The following CSMD2 variants were observed in gnomAD, a reference collection of about 807,000 sequenced individuals.
CSMD2 encodes CUB and Sushi multiple domains 2.
In CSMD2, 130 loss-of-function variants were observed where a neutral mutation model predicts 398.5. The ratio of observed to expected loss-of-function variants is 0.33; its 90% CI spans 0.28 to 0.38. The LOEUF (loss-of-function observed/expected upper bound fraction) is 0.38, where lower values mean the gene tolerates loss of function less well. Among genes scored for constraint, CSMD2 ranks in the 10% least tolerant of loss-of-function variants. CSMD2 has a pLI of 1.00. For missense variants in CSMD2, 3,829 were observed against 4,764.9 expected (o/e 0.80, Z 5.78); for synonymous variants, 1,828 against 1,908.5 (o/e 0.96, Z 1.10).
intron 3 of CSMD2, among the ~76,000 whole-genome samples, chr1:33,999,496 A>G (rs960351839): frequency 1.3e-5 from 2 of 152,118 alleles, no homozygotes; most frequent in Admixed American, 6.5e-5. Context: ...CCTGGGCTCA[A>G]GGGATCCTCT....
intron 28 of CSMD2, among the ~76,000 whole-genome samples, chr1:33,651,528 G>A (rs538241587): frequency 1.3e-5 from 2 of 152,284 alleles, no homozygotes; most frequent in Admixed American, 6.5e-5. Flanking sequence ...AGGAATGACC[G>A]AACTTGTCCA....
At chr1:33,832,395 C>T (rs1256327341) in intron 6 of CSMD2, among the ~76,000 whole-genome samples, 1 of 50,800 alleles carries the variant, frequency 2.0e-5, no homozygotes, top group Non-Finnish European at 3.0e-5. Flanking sequence ...AACTGAACAA[C>T]CTGCACTGGG....
chr1:33,877,508 C>G (rs1170971384), intron 5 of CSMD2, among the ~76,000 whole-genome samples: 1 of 152,114 alleles, frequency 6.6e-6, no homozygotes, highest in East Asian at 1.9e-4. Flanking sequence ...TCTCTAAATC[C>G]CGAGGCATTA....
At chr1:33,953,093 T>C (rs1046398369) in intron 3 of CSMD2, among the ~76,000 whole-genome samples, 1 of 152,194 alleles carries the variant, frequency 6.6e-6, no homozygotes, top group Non-Finnish European at 1.5e-5. Context: ...TCCCTGCAGT[T>C]AGGTGGACCA....
chr1:33,886,232 C>G (rs562590965), intron 5 of CSMD2, among the ~76,000 whole-genome samples: 1 of 152,250 alleles, frequency 6.6e-6, no homozygotes, highest in African/African-American at 2.4e-5. Context: ...AGCAAGGAAA[C>G]AGCACAGCCA....
At chr1:33,591,176 C>T (rs945481726) in intron 44 of CSMD2, among the ~76,000 whole-genome samples, 2 of 151,756 alleles carry the variant, frequency 1.3e-5, no homozygotes, top group African/African-American at 2.4e-5. Context: ...TTAATAGAGA[C>T]GGGGTTTCTC....
chr1:33,566,525 G>C (rs1659074301), intron 53 of CSMD2, among the ~76,000 whole-genome samples: 1 of 152,134 alleles, frequency 6.6e-6, no homozygotes, highest in South Asian at 2.1e-4. Flanking sequence ...AGATGGTTAA[G>C]TTAGCTTATA....
chr1:33,540,489 A>G, intron 60 of CSMD2, 36 bp downstream of exon 60: 2 of 1,610,802 alleles, frequency 1.2e-6, no homozygotes, highest in Non-Finnish European at 1.7e-6. Context: ...GGAGCTATTG[A>G]AGAGGATGCA....
intron 44 of CSMD2, among the ~76,000 whole-genome samples, chr1:33,594,153 C>T (rs1163856221): frequency 6.6e-6 from 1 of 152,160 alleles, no homozygotes; most frequent in African/African-American, 2.4e-5. Flanking sequence ...AGTATCAACA[C>T]TCCATTTTTA....
At chr1:34,037,327 C>A (rs1173930137) in intron 2 of CSMD2, among the ~76,000 whole-genome samples, 1 of 152,166 alleles carries the variant, frequency 6.6e-6, no homozygotes, top group African/African-American at 2.4e-5. Context: ...GCACTGACTG[C>A]AGCCTTGCTG....
chr1:33,912,411 A>C (rs1643498851), intron 5 of CSMD2, among the ~76,000 whole-genome samples: 1 of 146,856 alleles, frequency 6.8e-6, no homozygotes, highest in Admixed American at 6.8e-5. Flanking sequence ...CGCATCATAC[A>C]CCCCCCCACA....
chr1:33,966,129 A>G (rs1645548251), intron 3 of CSMD2, among the ~76,000 whole-genome samples: 1 of 152,128 alleles, frequency 6.6e-6, no homozygotes, highest in African/African-American at 2.4e-5. Flanking sequence ...AGGACAGGAA[A>G]CCTACATGGC....
chr1:34,075,563 G>C (rs1656232085), intron 2 of CSMD2, among the ~76,000 whole-genome samples: 1 of 152,194 alleles, frequency 6.6e-6, no homozygotes, highest in Non-Finnish European at 1.5e-5. Flanking sequence ...ATAATTGAGG[G>C]AACGAGTTGT....
chr1:33,579,640 C>T (rs997743938), intron 48 of CSMD2, among the ~76,000 whole-genome samples: 1 of 151,772 alleles, frequency 6.6e-6, no homozygotes, highest in Non-Finnish European at 1.5e-5. Flanking sequence ...ACTTCAGGCA[C>T]TGAATTTGAC....
chr1:33,675,408 G>C (rs1644673566), intron 25 of CSMD2, among the ~76,000 whole-genome samples: 1 of 152,136 alleles, frequency 6.6e-6, no homozygotes, highest in African/African-American at 2.4e-5. Flanking sequence ...GACTAAACCA[G>C]GAAGAAGTTG....
intron 1 of CSMD2, among the ~76,000 whole-genome samples, chr1:34,118,500 A>G (rs969766053): frequency 6.6e-6 from 1 of 152,194 alleles, no homozygotes; most frequent in African/African-American, 2.4e-5. Flanking sequence ...GGAAAACCCT[A>G]AGGATTCCAC....
chr1:33,533,763 T>A lies in CSMD2; in HGVS notation c.9991+33A>T. Reference sequence around the variant, plus strand: ...AGATGCCCAGCTGGGGCAAGAGGAATTTTCTTGGGATGTGGGTGAAGTCTG... The same window carrying A: ...AGATGCCCAGCTGGGGCAAGAGGAAATTTCTTGGGATGTGGGTGAAGTCTG... On this transcript the variant is annotated intron_variant, in intron 63 of 70. Transcript: ENST00000373381. The surrounding 1 kb of genome is among the most constrained non-coding windows in gnomAD (Gnocchi z 4.2). The A allele has an allele frequency of 6.9e-7, 1 of 1,447,370 alleles. No homozygotes were observed. 89.7% of individuals were successfully genotyped at this position (1,447,370 alleles called of 1,614,324 possible). A position where few individuals can be genotyped will look rare whatever the true frequency, so the allele number is the denominator to read the frequency against.
chr1:34,165,670 T>A (rs1403979586), upstream of CSMD2: 3 of 1,390,918 alleles, frequency 2.2e-6, no homozygotes, highest in East Asian at 4.6e-5. Flanking sequence ...GCACACCTCT[T>A]CCACGTTTGG....
intron 11 of CSMD2, 40 bp from the exon 12 acceptor site, chr1:33,788,752 T>A (rs768503478): frequency 8.1e-7 from 1 of 1,233,142 alleles, no homozygotes; most frequent in South Asian, 1.2e-5. Context: ...CTCTCCACCA[T>A]GACACCCGAA....
Sources: gnomAD v4.1 joint callset for allele counts (sites outside exome capture counted in the v4.1 genomes callset) on GRCh38, gnomAD v4.1.1 for gene constraint, Gnocchi (gnomAD v3.1) non-coding constraint, MANE v1.5 for transcripts, NCBI Gene and HGNC (gene_info 2026-07-23, HGNC 2026-07-21) for gene names.